The following EXT1 variants were observed in gnomAD, a reference collection of about 807,000 sequenced individuals.
EXT1 encodes exostosin-1.
A neutral mutation model predicts 82.5 loss-of-function variants in EXT1; 20 were observed. The ratio of observed to expected loss-of-function variants is 0.24; its 90% CI spans 0.17 to 0.35. The LOEUF (loss-of-function observed/expected upper bound fraction) is 0.35, where lower values mean the gene tolerates loss of function less well. Among genes scored for constraint, EXT1 ranks in the 10% least tolerant of loss-of-function variants. The pLI is 1.00. For synonymous variants in EXT1, 348 were observed against 350.8 expected (o/e 0.99, Z 0.09); for missense variants, 757 against 936.5 (o/e 0.81, Z 2.50).
At chr8:118,080,647 G>T (rs1817300914) in intron 1 of EXT1, among the ~76,000 whole-genome samples, 2 of 152,038 alleles carry the variant, frequency 1.3e-5, no homozygotes, top group Non-Finnish European at 2.9e-5. Context: ...TTAAAACTCG[G>T]CCAATAATAA....
At chr8:118,071,305 G>A (rs1817087568) in intron 1 of EXT1, among the ~76,000 whole-genome samples, 1 of 152,148 alleles carries the variant, frequency 6.6e-6, no homozygotes, top group Admixed American at 6.5e-5. Flanking sequence ...AGTACCTCCT[G>A]CGTGACACTG....
intron 1 of EXT1, among the ~76,000 whole-genome samples, chr8:118,057,734 G>A (rs1816817366): frequency 6.6e-6 from 1 of 151,914 alleles, no homozygotes; most frequent in Non-Finnish European, 1.5e-5. Context: ...AGCACTTTGG[G>A]AGGCCGAGGC....
At chr8:118,090,736 G>T (rs796771527) in intron 1 of EXT1, among the ~76,000 whole-genome samples, 23 of 126,314 alleles carry the variant, frequency 1.8e-4, no homozygotes, top group African/African-American at 6.9e-4. Context: ...CCAAGATAGG[G>T]CCACTGCACT....
chr8:118,066,361 T>C (rs17476958), intron 1 of EXT1, among the ~76,000 whole-genome samples: 1 of 151,090 alleles, frequency 6.6e-6, no homozygotes, highest in African/African-American at 2.4e-5. Flanking sequence ...TATTTATTTA[T>C]TTATTTATTT....
intron 1 of EXT1, among the ~76,000 whole-genome samples, chr8:118,074,746 G>A (rs1475128933): frequency 6.6e-6 from 1 of 152,128 alleles, no homozygotes; most frequent in Non-Finnish European, 1.5e-5. Context: ...AAAACAAACT[G>A]CTTTTTCCAT....
At chr8:117,969,101 A>G (rs1460493053) in intron 1 of EXT1, among the ~76,000 whole-genome samples, 2 of 152,200 alleles carry the variant, frequency 1.3e-5, no homozygotes, top group Non-Finnish European at 2.9e-5. Flanking sequence ...CAAAGCGGCC[A>G]CATTTATTAC....
At chr8:118,071,397 T>C (rs569784248) in intron 1 of EXT1, among the ~76,000 whole-genome samples, 1 of 152,220 alleles carries the variant, frequency 6.6e-6, no homozygotes, top group South Asian at 2.1e-4. Context: ...TTGTCTGGAA[T>C]ACAAGGCAGA....
intron 1 of EXT1, among the ~76,000 whole-genome samples, chr8:117,846,675 T>C (rs547841755): frequency 1.4e-4 from 22 of 152,080 alleles, no homozygotes; most frequent in Non-Finnish European, 2.6e-4. Flanking sequence ...TGGGGAAGCC[T>C]GAGGTCATTA....
intron 1 of EXT1, among the ~76,000 whole-genome samples, chr8:118,089,898 G>A (rs1040293488): frequency 6.6e-6 from 1 of 152,112 alleles, no homozygotes; most frequent in Non-Finnish European, 1.5e-5. Context: ...AAGAGGGAGG[G>A]TTACTGAAAA....
At chr8:118,040,660 T>C (rs1032478066) in intron 1 of EXT1, among the ~76,000 whole-genome samples, 3 of 152,222 alleles carry the variant, frequency 2.0e-5, no homozygotes, top group Non-Finnish European at 4.4e-5. Flanking sequence ...GCAGCTTCTA[T>C]TAAAACACTT....
At chr8:117,837,389 T>C (rs1454105488) in intron 1 of EXT1, among the ~76,000 whole-genome samples, 188 bp from the exon 2 acceptor site, 4 of 152,162 alleles carry the variant, frequency 2.6e-5, no homozygotes, top group Admixed American at 6.5e-5. Flanking sequence ...ACATGAATCA[T>C]CATGTTGGAC....
In EXT1 at chr8:117,873,460, T is replaced by G. The variant is rs1187817119; in HGVS notation, c.963-36259A>C. 6.8e-5 allele frequency among the ~76,000 whole-genome samples: 10 copies of G among 147,008 alleles called. 1 individual carries two copies. The highest frequency in any genetic ancestry group is 2.5e-4 in the African/African-American group (10 of 39,752). On this transcript the variant is annotated intron_variant, in intron 1 of 10. Transcript: ENST00000378204. ...GTTGTCCTGTGACTTTTTTTTTTTT[T>G]TTTTTTTTTTTTTGAGACAGGGTAT...
intron 1 of EXT1, among the ~76,000 whole-genome samples, chr8:117,967,931 C>T (rs1586314939): frequency 6.6e-6 from 1 of 152,128 alleles, no homozygotes; most frequent in African/African-American, 2.4e-5. Flanking sequence ...GTATTGTATT[C>T]CATATTTCTG....
At chr8:118,057,129 T>C (rs1390449040) in intron 1 of EXT1, among the ~76,000 whole-genome samples, 1 of 152,162 alleles carries the variant, frequency 6.6e-6, no homozygotes, top group Non-Finnish European at 1.5e-5. Flanking sequence ...CTAACCCTCA[T>C]CACATAATAG....
chr8:118,087,939 CAAA>C lies in EXT1; in HGVS notation c.962+22143_962+22145del, dbSNP rs10706033. Among the ~76,000 whole-genome samples, 250 of 83,898 alleles carry C rather than the reference CAAA, an allele frequency of 3.0e-3. 2 individuals are homozygous for C. Among genetic ancestry groups the C allele is most frequent in the African/African-American group, 8.4e-3 (226 of 26,868 alleles). 55.0% of individuals were successfully genotyped at this position (83,898 alleles called of 152,430 possible). On this transcript the variant is annotated intron_variant, in intron 1 of 10. Transcript: ENST00000378204. The stretch of plus-strand genomic sequence containing the variant: ...CCTATTTGTTTTATTCGTTTCAGGG[CAAA>C]AAAAAAAAAAAAAAAAAATCCTACA...
intron 1 of EXT1, among the ~76,000 whole-genome samples, chr8:117,967,195 A>G (rs965522982): frequency 6.6e-6 from 1 of 152,246 alleles, no homozygotes; most frequent in Non-Finnish European, 1.5e-5. Flanking sequence ...ATTATGAGAA[A>G]GGAAGCTCAT....
chr8:117,842,579 T>C (rs1192688553), intron 1 of EXT1, among the ~76,000 whole-genome samples: 1 of 152,218 alleles, frequency 6.6e-6, no homozygotes, highest in Non-Finnish European at 1.5e-5. Context: ...TTGCAAGTTA[T>C]TATGGTAAAT....
chr8:117,872,766 A>G (rs1012642119), intron 1 of EXT1, among the ~76,000 whole-genome samples: 2 of 151,814 alleles, frequency 1.3e-5, no homozygotes, highest in Non-Finnish European at 2.9e-5. Context: ...AAATTTTTCT[A>G]CTATTCAATC....
chr8:118,043,412 T>C (rs988193519), intron 1 of EXT1, among the ~76,000 whole-genome samples: 4 of 152,204 alleles, frequency 2.6e-5, no homozygotes, highest in Non-Finnish European at 5.9e-5. Context: ...CAAGAAAAAC[T>C]ACACTTCCAA....
Sources: allele counts gnomAD v4.1 joint callset (sites outside exome capture counted in the v4.1 genomes callset), GRCh38; gene constraint gnomAD v4.1.1; transcripts MANE v1.5; gene names NCBI Gene and HGNC (gene_info 2026-07-23, HGNC 2026-07-21).